The following TBL1X variants were observed in gnomAD, a reference collection of about 807,000 sequenced individuals.
TBL1X encodes the protein F-box-like/WD repeat-containing protein TBL1X.
In TBL1X, 10 loss-of-function variants were observed where a neutral mutation model predicts 50.7. The ratio of observed to expected loss-of-function variants is 0.20; its 90% CI spans 0.12 to 0.33. The LOEUF is 0.33. Ranked by LOEUF, TBL1X falls within the 10% of genes least tolerant of loss-of-function variation. TBL1X has a pLI of 1.00. For synonymous variants in TBL1X, 190 were observed against 214.7 expected (o/e 0.88, Z 1.01); for missense variants, 340 against 504.4 (o/e 0.67, Z 3.12).
chrX:9,542,452 A>G lies in TBL1X; in HGVS notation c.-131+40603A>G, dbSNP rs140213091. Among the ~76,000 whole-genome samples, 672 of 111,791 alleles carry G rather than the reference A, an allele frequency of 6.0e-3. 4 individuals carry two copies. The highest frequency in any genetic ancestry group is 0.019 in the Middle Eastern group (4 of 216). On this transcript the variant is annotated intron_variant, in intron 2 of 17. Transcript: ENST00000645353. ...TAACCACAGCATTCCGGTAGCTCCCACTTCCCCAGCATTTTCTTTTAGAAT... is the reference window on the plus strand; with the variant it reads ...TAACCACAGCATTCCGGTAGCTCCCGCTTCCCCAGCATTTTCTTTTAGAAT...
intron 2 of TBL1X, among the ~76,000 whole-genome samples, chrX:9,587,183 C>T (rs909968380): frequency 6.2e-5 from 7 of 112,080 alleles, no homozygotes; most frequent in African/African-American, 2.3e-4. Flanking sequence ...GGTTGCCCTC[C>T]TTCTGGTCGG....
At chrX:9,650,357 C>A (rs1354045309) in intron 3 of TBL1X, among the ~76,000 whole-genome samples, 1 of 111,349 alleles carries the variant, frequency 9.0e-6, no homozygotes, top group African/African-American at 3.3e-5. Context: ...TTTTTTTTCC[C>A]CCAGAGTAAA....
intron 2 of TBL1X, among the ~76,000 whole-genome samples, chrX:9,549,632 C>T (rs1461556115): frequency 1.8e-5 from 2 of 111,597 alleles, no homozygotes; most frequent in African/African-American, 6.5e-5. Flanking sequence ...GCATCCCAAG[C>T]GGTTGTAAAA....
At chrX:9,479,895 C>T (rs1186840906) in intron 1 of TBL1X, among the ~76,000 whole-genome samples, 1 of 108,706 alleles carries the variant, frequency 9.2e-6, no homozygotes, top group Non-Finnish European at 1.9e-5. Context: ...ATTGAGACTA[C>T]TGGAGAAACA....
chrX:9,700,351 C>G (rs1275859575), intron 12 of TBL1X, among the ~76,000 whole-genome samples: 1 of 111,995 alleles, frequency 8.9e-6, no homozygotes, highest in Non-Finnish European at 1.9e-5. Context: ...ACACTTGTGT[C>G]TTAAGAATTC....
intron 2 of TBL1X, among the ~76,000 whole-genome samples, chrX:9,610,005 G>T (rs5934658): frequency 0.068 from 7,632 of 112,643 alleles, 241 homozygotes; most frequent in Middle Eastern, 0.13. Context: ...AAGGGGCCAT[G>T]TCTGATGTTT....
At chrX:9,690,854 G>C (rs2083092128) in intron 7 of TBL1X, among the ~76,000 whole-genome samples, 1 of 111,157 alleles carries the variant, frequency 9.0e-6, no homozygotes, top group Non-Finnish European at 1.9e-5. Context: ...GCAGCCTCCT[G>C]AGTAGCTGGG....
chrX:9,676,829 C>T (rs146938472), intron 5 of TBL1X, among the ~76,000 whole-genome samples: 1,578 of 111,695 alleles, frequency 0.014, 35 homozygotes, highest in African/African-American at 0.049. Context: ...AAAGAATTCT[C>T]CCCAGCATAT....
At chrX:9,467,935 C>T (rs2081787514) in intron 1 of TBL1X, among the ~76,000 whole-genome samples, 1 of 112,641 alleles carries the variant, frequency 8.9e-6, no homozygotes, top group South Asian at 3.6e-4. Flanking sequence ...GGGCTGCTGC[C>T]TGCCTGGCCA....
chrX:9,467,685 G>T (rs1015739153), intron 1 of TBL1X, among the ~76,000 whole-genome samples: 4 of 110,498 alleles, frequency 3.6e-5, no homozygotes, highest in African/African-American at 1.3e-4. Context: ...GCCGGAGACT[G>T]GACTCGAGTT....
intron 2 of TBL1X, among the ~76,000 whole-genome samples, chrX:9,570,678 G>T (rs868672229): frequency 6.9e-4 from 32 of 46,284 alleles, no homozygotes; most frequent in Non-Finnish European, 6.4e-4. Flanking sequence ...TTTTCTTTTT[G>T]TTTTTTTTTT....
intron 2 of TBL1X, among the ~76,000 whole-genome samples, chrX:9,610,508 C>G (rs750460830): frequency 8.9e-6 from 1 of 112,189 alleles, no homozygotes; most frequent in South Asian, 3.7e-4. Flanking sequence ...ATGTGGCAAG[C>G]TCTGTGCTGT....
chrX:9,484,998 C>G (rs2081903753), intron 1 of TBL1X, among the ~76,000 whole-genome samples: 2 of 108,870 alleles, frequency 1.8e-5, no homozygotes, highest in African/African-American at 6.7e-5. Flanking sequence ...TGCAGTGGGA[C>G]AATCACTTGA....
rs58923242 is a variant in TBL1X, at chrX:9,694,959, C to CAAATAAATAAATAAAT, written c.1053+1564_1053+1579dup. ...GGGCAACAAGAGCAAAACTTCATCT[C>CAAATAAATAAATAAAT]AAATAAATAAATAAATAAATAAATA... On this transcript the variant is annotated intron_variant, in intron 11 of 17. Transcript: ENST00000645353. Among the ~76,000 whole-genome samples, 282 of 100,245 alleles carry CAAATAAATAAATAAAT rather than the reference C, an allele frequency of 2.8e-3. 2 individuals are homozygous for CAAATAAATAAATAAAT. Among genetic ancestry groups the CAAATAAATAAATAAAT allele is most frequent in the African/African-American group, 8.6e-3 (239 of 27,886 alleles). The allele number at this position is 100,245 out of a possible 115,157, so 87.1% of individuals were successfully genotyped here. A position where few individuals can be genotyped will look rare whatever the true frequency, so the allele number is the denominator to read the frequency against.
intron 1 of TBL1X, among the ~76,000 whole-genome samples, chrX:9,475,331 C>T (rs2081842733): frequency 9.0e-6 from 1 of 111,365 alleles, no homozygotes. Context: ...CAACGTCTGC[C>T]TCCCAAGTTT....
intron 2 of TBL1X, among the ~76,000 whole-genome samples, chrX:9,502,744 A>G (rs1361798710): frequency 1.8e-5 from 2 of 112,624 alleles, no homozygotes; most frequent in Admixed American, 9.4e-5. Context: ...TTTTGAAAGA[A>G]TTAAGATTTC....
Position 9,543,461 on chromosome X carries a change from C to T in TBL1X, c.-131+41612C>T, listed in dbSNP as rs761418265. On this transcript the variant is annotated intron_variant, in intron 2 of 17. Transcript: ENST00000645353. ...GACTTGGCTTCTTCCCCCGCCCCTCCTTCTCCCTCCTCCCCCCTCCTCCCT... is the reference window on the plus strand; with the variant it reads ...GACTTGGCTTCTTCCCCCGCCCCTCTTTCTCCCTCCTCCCCCCTCCTCCCT... Among the ~76,000 whole-genome samples the T allele has an allele frequency of 3.6e-5, 4 of 110,671 alleles. No homozygotes were observed. In the East Asian group the frequency reaches 1.1e-3, roughly 32 times the overall value.
intron 2 of TBL1X, among the ~76,000 whole-genome samples, chrX:9,553,501 C>T (rs761260015): frequency 1.8e-5 from 2 of 111,755 alleles, no homozygotes; most frequent in South Asian, 7.7e-4. Context: ...CAACAGGAAA[C>T]GCAGACAGTG....
intron 2 of TBL1X, among the ~76,000 whole-genome samples, chrX:9,589,051 C>T (rs983318514): frequency 9.0e-6 from 1 of 111,488 alleles, no homozygotes; most frequent in African/African-American, 3.3e-5. Flanking sequence ...CCCAGGGCAT[C>T]ATGAGGAATA....
Sources: allele counts gnomAD v4.1 joint callset (sites outside exome capture counted in the v4.1 genomes callset), GRCh38; gene constraint gnomAD v4.1.1; transcripts MANE v1.5; gene names NCBI Gene and HGNC (gene_info 2026-07-23, HGNC 2026-07-21).